ART3: variants seen among roughly 807,000 people sequenced by gnomAD.
ART3 encodes ADP-ribosyltransferase 3 (inactive).
Under a neutral mutation model 48.5 loss-of-function variants are expected in ART3, and 49 were observed. The ratio of observed to expected loss-of-function variants is 1.01; its 90% CI spans 0.80 to 1.28. ART3 has a LOEUF of 1.28. Ranked by LOEUF, ART3 falls within the 50% of genes most tolerant of loss-of-function variation. The pLI is 0.00. For synonymous variants in ART3, 145 were observed against 157.2 expected, an observed-to-expected ratio of 0.92 and a Z score of 0.58; for missense variants, 438 against 454.3, an observed-to-expected ratio of 0.96 and a Z score of 0.33.
At chr4:76,064,913 C>A (rs1042454856) in intron 1 of ART3, among the ~76,000 whole-genome samples, 8 of 151,312 alleles carry the variant, frequency 5.3e-5, no homozygotes, top group African/African-American at 1.9e-4. Flanking sequence ...GTCACAGCAA[C>A]CTCCACCTTC....
At chr4:76,050,048 T>C (rs1385925099) in intron 1 of ART3, among the ~76,000 whole-genome samples, 1 of 148,762 alleles carries the variant, frequency 6.7e-6, no homozygotes, top group African/African-American at 2.5e-5. Context: ...GGTGGGCTTA[T>C]GGTCTCACTG....
chr4:76,027,944 A>G (rs1578229407), intron 1 of ART3, among the ~76,000 whole-genome samples: 1 of 152,166 alleles, frequency 6.6e-6, no homozygotes, highest in South Asian at 2.1e-4. Flanking sequence ...ATGAAAATTA[A>G]AAGACAGTGT....
chr4:76,056,890 C>T (rs926849104), intron 1 of ART3, among the ~76,000 whole-genome samples: 14 of 152,126 alleles, frequency 9.2e-5, no homozygotes, highest in African/African-American at 3.4e-4. Context: ...GGGGAATCAC[C>T]TGTAAATTAG....
chr4:76,073,634 A>G (rs1330955304), upstream of ART3, among the ~76,000 whole-genome samples: 1 of 152,226 alleles, frequency 6.6e-6, no homozygotes, highest in Non-Finnish European at 1.5e-5. Context: ...GAATTTGTCA[A>G]TGTAATTGGC....
chr4:76,016,278 G>A (rs1052484481), intron 1 of ART3, among the ~76,000 whole-genome samples: 17 of 152,264 alleles, frequency 1.1e-4, no homozygotes, highest in African/African-American at 2.4e-4. Flanking sequence ...CCATATTTGC[G>A]TTAGGAATAC....
At chr4:76,106,901 T>A (rs971794566) in intron 10 of ART3, among the ~76,000 whole-genome samples, 1 of 152,218 alleles carries the variant, frequency 6.6e-6, no homozygotes, top group African/African-American at 2.4e-5. Context: ...GCTCCTGCTC[T>A]ATCAGGTTCA....
At chr4:76,081,077 T>C (rs1465932007) in intron 2 of ART3, among the ~76,000 whole-genome samples, 1 of 152,240 alleles carries the variant, frequency 6.6e-6, no homozygotes, top group Non-Finnish European at 1.5e-5. Flanking sequence ...TATTGATTCT[T>C]ACAACTGGTG....
intron 1 of ART3, among the ~76,000 whole-genome samples, chr4:76,014,646 A>C (rs1426476118): frequency 6.6e-6 from 1 of 152,202 alleles, no homozygotes; most frequent in Non-Finnish European, 1.5e-5. Context: ...AGAAGTAATG[A>C]CTGAAAACTA....
intron 1 of ART3, chr4:76,075,296 C>A (rs945396578): frequency 6.6e-6 from 1 of 152,264 alleles, no homozygotes; most frequent in Non-Finnish European, 1.5e-5. Flanking sequence ...CTTATTTTAC[C>A]CTCGGGCTTC....
intron 2 of ART3, among the ~76,000 whole-genome samples, chr4:76,079,205 T>C (rs1050971052): frequency 1.5e-5 from 2 of 137,238 alleles, no homozygotes; most frequent in African/African-American, 2.8e-5. Context: ...GGCGGGGGGC[T>C]AATAATAGTA....
chr4:76,053,571 A>G (rs899594799), intron 1 of ART3, among the ~76,000 whole-genome samples: 1 of 152,262 alleles, frequency 6.6e-6, no homozygotes, highest in Non-Finnish European at 1.5e-5. Context: ...TATAATTAAC[A>G]GTCGTCAAAG....
chr4:76,031,361 TA>T (rs34510183), intron 1 of ART3, among the ~76,000 whole-genome samples: 92,907 of 151,792 alleles, frequency 0.61, 29,496 homozygotes, highest in East Asian at 0.94. Context: ...AGAGAAATGT[TA>T]AAAAAAAATT....
chr4:76,064,941 C>T (rs573268612), intron 1 of ART3, among the ~76,000 whole-genome samples: 4 of 151,948 alleles, frequency 2.6e-5, no homozygotes, highest in East Asian at 3.9e-4. Context: ...AAGCGATTCT[C>T]CTGCCTCAGC....
chr4:76,051,140 C>A (rs970586482), intron 1 of ART3, among the ~76,000 whole-genome samples: 1 of 152,244 alleles, frequency 6.6e-6, no homozygotes, highest in African/African-American at 2.4e-5. Flanking sequence ...CCTCAAGTGC[C>A]GCCAAAGTGG....
chr4:76,098,176 C>T (rs1183566392), intron 4 of ART3, among the ~76,000 whole-genome samples: 8 of 142,892 alleles, frequency 5.6e-5, no homozygotes, highest in East Asian at 2.1e-4. Flanking sequence ...TTAACTTCCT[C>T]GGGGAAAAAT....
At chr4:76,050,838 G>A (rs957946430) in intron 1 of ART3, among the ~76,000 whole-genome samples, 24 of 152,342 alleles carry the variant, frequency 1.6e-4, no homozygotes, top group African/African-American at 2.9e-4. Context: ...GAAATGGAGC[G>A]CAGTGCCAGT....
At chr4:76,092,651 G>A (rs1397147369) in intron 3 of ART3, among the ~76,000 whole-genome samples, 5 of 151,716 alleles carry the variant, frequency 3.3e-5, no homozygotes, top group Admixed American at 3.3e-4. Flanking sequence ...GGAGTTCATT[G>A]AACTTATGGA....
intron 1 of ART3, among the ~76,000 whole-genome samples, chr4:76,043,044 C>T (rs886970180): frequency 2.0e-5 from 3 of 151,830 alleles, no homozygotes; most frequent in Non-Finnish European, 4.4e-5. Flanking sequence ...CGGGGCCCCA[C>T]CAGAATAGCT....
At chr4:76,040,183 G>T (rs1417117780) in intron 1 of ART3, among the ~76,000 whole-genome samples, 1 of 152,040 alleles carries the variant, frequency 6.6e-6, no homozygotes. Flanking sequence ...AAATCAGCTG[G>T]GTATGGTGGC....
Sources: allele counts gnomAD v4.1 joint callset (sites outside exome capture counted in the v4.1 genomes callset), GRCh38; gene constraint gnomAD v4.1.1; transcripts MANE v1.5; gene names NCBI Gene and HGNC (gene_info 2026-07-23, HGNC 2026-07-21).